GRID1: variants seen among roughly 807,000 people sequenced by gnomAD.
The protein encoded by GRID1 is glutamate ionotropic receptor delta type subunit 1, also known as glutamate receptor ionotropic, delta-1.
In GRID1, 28 loss-of-function variants were observed where a neutral mutation model predicts 98.0. The ratio of observed to expected loss-of-function variants is 0.29; its 90% CI spans 0.21 to 0.39. The LOEUF (loss-of-function observed/expected upper bound fraction) is 0.39. GRID1 is among the 10% of genes least tolerant of loss of function. The pLI is 1.00. For synonymous variants in GRID1, 553 were observed against 538.5 expected, an observed-to-expected ratio of 1.03 and a Z score of -0.37; for missense variants, 1,111 against 1,340.5, an observed-to-expected ratio of 0.83 and a Z score of 2.67.
intron 5 of GRID1, among the ~76,000 whole-genome samples, chr10:85,883,510 G>GTC (rs72270077): frequency 0.11 from 15,270 of 136,846 alleles, 904 homozygotes; most frequent in Non-Finnish European, 0.15. Context: ...CTCTCTCTCT[G>GTC]TCTCTCTCTC....
rs182319615 is a variant in GRID1 at position 85,997,175 on chromosome 10, G to T, written c.727-80936C>A. ...TCAGCACTTTGGGAGGCCGAAGAGG[G>T]TTGATCACAAAGTCAGGAGTTCAAG... On this transcript the variant is annotated intron_variant, in intron 4 of 15. Transcript: ENST00000327946. Among the ~76,000 whole-genome samples, 778 of 152,322 alleles carry T rather than the reference G, an allele frequency of 5.1e-3. 7 individuals are homozygous for T. The highest frequency in any genetic ancestry group is 0.018 in the African/African-American group (729 of 41,568).
intron 3 of GRID1, among the ~76,000 whole-genome samples, chr10:86,183,034 C>T (rs1037655015): frequency 6.6e-6 from 1 of 152,140 alleles, no homozygotes; most frequent in Admixed American, 6.5e-5. Flanking sequence ...ATTTTTAATG[C>T]ATTTTTGACA....
chr10:85,609,183 C>T (rs1252186112), intron 15 of GRID1, among the ~76,000 whole-genome samples: 3 of 152,168 alleles, frequency 2.0e-5, no homozygotes, highest in Non-Finnish European at 2.9e-5. Flanking sequence ...CCATCTCTAC[C>T]CTTCTCACTT....
intron 2 of GRID1, among the ~76,000 whole-genome samples, chr10:86,298,493 C>A (rs956453000): frequency 1.3e-5 from 2 of 150,478 alleles, no homozygotes; most frequent in Non-Finnish European, 2.9e-5. Context: ...CACTCCAGAA[C>A]CCCTGTGCTG....
intron 8 of GRID1, among the ~76,000 whole-genome samples, chr10:85,853,494 A>C (rs1381434188): frequency 6.6e-6 from 1 of 152,216 alleles, no homozygotes; most frequent in Admixed American, 6.5e-5. Context: ...GCTGTGCCTG[A>C]GTACATGCCA....
chr10:86,175,770 C>T lies in GRID1; in HGVS notation c.520+30594G>A, dbSNP rs374938747. Among the ~76,000 whole-genome samples, 36 of 152,034 alleles carry T rather than the reference C, an allele frequency of 2.4e-4. No homozygotes were observed. In the East Asian group the frequency reaches 3.3e-3, roughly 14 times the overall value. ...TGTTGCCCAGGCTGGAGTGCAATGGCGCAATCTCTGCACACTGCAATCTCC... is the reference window on the plus strand; with the variant it reads ...TGTTGCCCAGGCTGGAGTGCAATGGTGCAATCTCTGCACACTGCAATCTCC... On this transcript the variant is annotated intron_variant, in intron 3 of 15. Transcript: ENST00000327946.
intron 8 of GRID1, among the ~76,000 whole-genome samples, chr10:85,852,194 G>T (rs1843065200): frequency 1.3e-5 from 2 of 152,204 alleles, no homozygotes; most frequent in African/African-American, 4.8e-5. Context: ...ACCAGGATAT[G>T]CAGTTATTAA....
chr10:86,002,950 A>C (rs1842818568), intron 4 of GRID1, among the ~76,000 whole-genome samples: 1 of 152,250 alleles, frequency 6.6e-6, no homozygotes, highest in African/African-American at 2.4e-5. Context: ...AAGGTACAGC[A>C]AGATCTTAGG....
intron 3 of GRID1, among the ~76,000 whole-genome samples, chr10:86,176,005 G>A (rs990683677): frequency 1.3e-5 from 2 of 151,900 alleles, no homozygotes; most frequent in Non-Finnish European, 2.9e-5. Context: ...CACCACACCC[G>A]GCCTAATTTT....
intron 8 of GRID1, among the ~76,000 whole-genome samples, chr10:85,733,194 T>C (rs539740695): frequency 6.6e-6 from 1 of 152,276 alleles, no homozygotes; most frequent in South Asian, 2.1e-4. Flanking sequence ...AGAAATGAAA[T>C]AGAAGGACCT....
chr10:86,028,947 C>T (rs1034560356), intron 4 of GRID1, among the ~76,000 whole-genome samples: 1 of 152,132 alleles, frequency 6.6e-6, no homozygotes, highest in African/African-American at 2.4e-5. Flanking sequence ...CCCCACTTAG[C>T]CCTTACAGCA....
chr10:86,106,909 G>T (rs1159847958), intron 4 of GRID1, among the ~76,000 whole-genome samples: 5 of 152,196 alleles, frequency 3.3e-5, no homozygotes, highest in African/African-American at 7.2e-5. Context: ...AAAATGAATT[G>T]ACAACAAGGA....
rs552076606 is a variant in GRID1, at chr10:85,657,309, T to G, written c.1998-9912A>C. 5.3e-5 allele frequency among the ~76,000 whole-genome samples: 8 copies of G among 152,320 alleles called. No individual in the cohort carries two copies. In the East Asian group the frequency reaches 1.5e-3, roughly 29 times the overall value. ...CCAGAATAGGACTTGGCTGTTTGTT[T>G]TTTTGCTGTATCACCAGTGCCTACA... is the stretch of plus-strand genomic sequence containing the variant. On this transcript the variant is annotated intron_variant, in intron 12 of 15. Coordinates refer to ENST00000327946, the MANE Select transcript of GRID1 (RefSeq NM_017551.3).
At chr10:85,974,310 T>TTGTTC (rs918271858) in intron 4 of GRID1, among the ~76,000 whole-genome samples, 2 of 152,174 alleles carry the variant, frequency 1.3e-5, no homozygotes, top group Non-Finnish European at 2.9e-5. Flanking sequence ...TTGTTTTGTT[T>TTGTTC]TGTTTTTTGT....
At chr10:86,128,151 C>T (rs1402360799) in intron 4 of GRID1, among the ~76,000 whole-genome samples, 1 of 146,686 alleles carries the variant, frequency 6.8e-6, no homozygotes, top group East Asian at 2.0e-4. Flanking sequence ...CCCAGCTGAG[C>T]ATCTGAAAGC....
chr10:86,145,874 C>T (rs1448891032), intron 3 of GRID1, among the ~76,000 whole-genome samples: 1 of 152,038 alleles, frequency 6.6e-6, no homozygotes, highest in Non-Finnish European at 1.5e-5. Context: ...GCCTGAAGCC[C>T]GGCGTGACTT....
chr10:86,270,407 G>A (rs1285741723), intron 2 of GRID1, among the ~76,000 whole-genome samples: 1 of 146,170 alleles, frequency 6.8e-6, no homozygotes, highest in Non-Finnish European at 1.5e-5. Context: ...AATAATAATT[G>A]GTCCAGGCGC....
At position 85,619,943 on chromosome 10, in the gene GRID1, C is replaced by A. The variant is rs769403835; in HGVS notation, c.2284G>T (p.Gly762Cys). The change falls in exon 14 of 16, where the codon GGC (glycine) becomes TGC (cysteine). Residue 762 changes from glycine to cysteine, a missense_variant. By Grantham distance (159) the Gly-to-Cys change is radical (BLOSUM62 -3). Around this residue, in one of 3 missense-constraint regions of GRID1, gnomAD observed 762 missense variants for 869.1 expected, o/e 0.88. Coordinates refer to ENST00000327946, the MANE Select transcript of GRID1 (RefSeq NM_017551.3). The stretch of plus-strand genomic sequence containing the variant: ...TAACCCTTGCTGCTGATGCTGTTGC[C>A]GATGACAGTCACCGAGCAGTCGTCA... Reference protein sequence around the residue: ...TDDDCSVTVIGNSISSKGYGI... With the variant: ...TDDDCSVTVICNSISSKGYGI... 5.6e-6 allele frequency: 9 copies of A among 1,613,984 alleles called. No individual in the cohort carries two copies. Among genetic ancestry groups the A allele is most frequent in the Admixed American group, 1.7e-5 (1 of 60,010 alleles).
rs111301295 is a variant in GRID1, at chr10:85,890,195, G to A, written c.781-21015C>T. Among the ~76,000 whole-genome samples, 29 of 152,058 alleles carry A rather than the reference G, an allele frequency of 1.9e-4. 2 individuals carry two copies. The highest frequency in any genetic ancestry group is 6.5e-4 in the African/African-American group (27 of 41,484). Reference sequence around the variant, plus strand: ...TTGCAATTCTCTGATGATTACTGATGTTAGGAGAAATAAATTCTGGTAATC... The same window carrying A: ...TTGCAATTCTCTGATGATTACTGATATTAGGAGAAATAAATTCTGGTAATC... On this transcript the variant is annotated intron_variant, in intron 5 of 15. Coordinates refer to ENST00000327946, the MANE Select transcript of GRID1 (RefSeq NM_017551.3).
Sources: allele counts gnomAD v4.1 joint callset (sites outside exome capture counted in the v4.1 genomes callset), GRCh38; gene constraint gnomAD v4.1.1; regional missense constraint gnomAD v4.1.1; transcripts MANE v1.5; gene names NCBI Gene and HGNC (gene_info 2026-07-23, HGNC 2026-07-21).